Variants in CAGE1 observed in about 807,000 individuals in gnomAD.
The protein encoded by CAGE1 is cancer-associated gene 1 protein.
CAGE1 carries 66 observed loss-of-function variants against 94.9 expected under a neutral mutation model. The ratio of observed to expected loss-of-function variants is 0.70; its 90% CI spans 0.57 to 0.85. The LOEUF is 0.85. CAGE1 is among the 40% of genes least tolerant of loss of function. The pLI is 0.00. For missense variants in CAGE1, 865 were observed against 950.4 expected (o/e 0.91, Z 1.18); for synonymous variants, 319 against 321.0 (o/e 0.99, Z 0.07).
chr6:7,384,232 C>T (rs1024789275), intron 3 of CAGE1, among the ~76,000 whole-genome samples: 1 of 152,138 alleles, frequency 6.6e-6, no homozygotes, highest in Non-Finnish European at 1.5e-5. Context: ...CGCCCACCAT[C>T]ATGCCCGGCT....
intron 9 of CAGE1, among the ~76,000 whole-genome samples, chr6:7,361,178 A>G (rs1760153186): frequency 1.3e-5 from 2 of 152,176 alleles, no homozygotes; most frequent in Admixed American, 1.3e-4. Flanking sequence ...ACCTGCTTCT[A>G]AAAGAGGAAC....
intron 10 of CAGE1, 88 bp downstream of exon 10, chr6:7,355,937 G>A: frequency 1.4e-6 from 1 of 702,496 alleles, no homozygotes; most frequent in Non-Finnish European, 2.4e-6. Flanking sequence ...CCAGGGGATT[G>A]AGGCTGTAGT....
intron 12 of CAGE1, among the ~76,000 whole-genome samples, chr6:7,330,731 T>C (rs1317807253): frequency 6.6e-6 from 1 of 152,180 alleles, no homozygotes; most frequent in East Asian, 1.9e-4. Context: ...AAAGCTGATG[T>C]AGGTCTGGAG....
intron 11 of CAGE1, among the ~76,000 whole-genome samples, chr6:7,335,269 A>G (rs1456499080): frequency 6.6e-6 from 1 of 152,202 alleles, no homozygotes; most frequent in Non-Finnish European, 1.5e-5. Context: ...CTCTTTTGCT[A>G]TATAAGGTAA....
intron 5 of CAGE1, among the ~76,000 whole-genome samples, chr6:7,372,767 C>G (rs933417052): frequency 3.3e-5 from 5 of 152,104 alleles, no homozygotes; most frequent in African/African-American, 1.2e-4. Flanking sequence ...CTCCTGAGCT[C>G]AAGTAATTCC....
At chr6:7,369,660 G>T (rs1394082659) in intron 6 of CAGE1, among the ~76,000 whole-genome samples, 2 of 152,198 alleles carry the variant, frequency 1.3e-5, no homozygotes, top group African/African-American at 2.4e-5. Context: ...AACGTGGGAA[G>T]TACTTAATAA....
chr6:7,348,064 T>C (rs1354102748), intron 11 of CAGE1, among the ~76,000 whole-genome samples: 1 of 152,076 alleles, frequency 6.6e-6, no homozygotes, highest in East Asian at 1.9e-4. Context: ...TTTCTCTCCA[T>C]ACTACACAGC....
chr6:7,338,737 C>G, intron 11 of CAGE1: 1 of 680,684 alleles, frequency 1.5e-6, no homozygotes, highest in Admixed American at 2.3e-5. Context: ...CCCCAAAGTC[C>G]ACTGTATCAT....
In CAGE1 at chr6:7,342,298, A is replaced by T. The variant is rs547508695; in HGVS notation, c.2370-8208T>A. Among the ~76,000 whole-genome samples the T allele has an allele frequency of 3.9e-5, 6 of 152,350 alleles. No individual in the cohort carries two copies. The East Asian group carries it at 1.2e-3, about 29-fold the overall frequency. On this transcript the variant is annotated intron_variant, in intron 11 of 13. Coordinates refer to ENST00000502583, the MANE Select transcript of CAGE1 (RefSeq NM_001170692.2). ...GATCATCTGGCACATTAAGCGACCC[A>T]GAAGGGCTTCATGCTCACGGATGGC...
chr6:7,339,648 ATGAG>A lies in CAGE1; in HGVS notation c.2370-5562_2370-5559del. 3 of 621,062 alleles carry A rather than the reference ATGAG, an allele frequency of 4.8e-6. No homozygotes were observed. Among genetic ancestry groups the A allele is most frequent in the Non-Finnish European group, 8.7e-6 (3 of 344,732 alleles). 38.5% of individuals were successfully genotyped at this position (621,062 alleles called of 1,614,324 possible). ...TGTCCTCATAGCTTAGCTCCCACTTATGAGTGAGAACATATGATGTTTGGTTTTC... is the reference window on the plus strand; with the variant it reads ...TGTCCTCATAGCTTAGCTCCCACTTATGAGAACATATGATGTTTGGTTTTC... On this transcript the variant is annotated intron_variant, in intron 11 of 13. Transcript: ENST00000502583. The surrounding 1 kb of genome is among the most constrained non-coding windows in gnomAD (Gnocchi z 4.7).
In CAGE1 at chr6:7,326,793, T is replaced by C; in HGVS notation, c.*65A>G. The C allele has an allele frequency of 9.2e-7, 1 of 1,087,606 alleles. No individual in the cohort carries two copies. 67.4% of individuals were successfully genotyped at this position (1,087,606 alleles called of 1,614,324 possible). On this transcript the variant is annotated 3_prime_UTR_variant, in exon 14 of 14. Coordinates refer to ENST00000502583, the MANE Select transcript of CAGE1 (RefSeq NM_001170692.2). ...TCTGCATGGATTGATTTGGCTAGCA[T>C]ATGTAGTAATGACTCTTCCTGGAGT...
intron 11 of CAGE1, among the ~76,000 whole-genome samples, chr6:7,346,154 CTGA>C (rs1409228795): frequency 1.4e-4 from 22 of 152,094 alleles, no homozygotes; most frequent in African/African-American, 4.8e-4. Flanking sequence ...GCAAAACAGC[CTGA>C]TAATTTTTGA....
intron 9 of CAGE1, among the ~76,000 whole-genome samples, chr6:7,359,627 G>A (rs1315093954): frequency 2.6e-5 from 4 of 152,228 alleles, no homozygotes; most frequent in Non-Finnish European, 5.9e-5. Flanking sequence ...GTGGACTACA[G>A]CCAGTGAGAG....
At position 7,356,141 on chromosome 6, in the gene CAGE1, T is replaced by C; in HGVS notation, c.2194-12A>G. The C allele has an allele frequency of 6.9e-7, 1 of 1,439,494 alleles. No homozygotes were observed. Among genetic ancestry groups the C allele is most frequent in the Middle Eastern group, 1.8e-4 (1 of 5,700 alleles). The allele number at this position is 1,439,494 out of a possible 1,614,324, so 89.2% of individuals were successfully genotyped here. On this transcript the variant is annotated splice_polypyrimidine_tract_variant and intron_variant, in intron 9 of 13. Transcript: ENST00000502583. ...CCCAGTTTTGTGATCTATGGAGAAA[T>C]ATCAGTAAACATACTAATCTGGAAC... is the stretch of plus-strand genomic sequence containing the variant.
At chr6:7,382,220 T>A (rs1049170016) in intron 3 of CAGE1, among the ~76,000 whole-genome samples, 3 of 152,196 alleles carry the variant, frequency 2.0e-5, no homozygotes, top group Admixed American at 1.3e-4. Context: ...GCATGTATCT[T>A]CACTCCATGC....
At chr6:7,384,809 C>G (rs886989768) in intron 3 of CAGE1, among the ~76,000 whole-genome samples, 2 of 151,654 alleles carry the variant, frequency 1.3e-5, no homozygotes, top group Non-Finnish European at 2.9e-5. Context: ...CAGCCTCCCG[C>G]GCTCAGGTAA....
rs971322948 is a variant in CAGE1, at chr6:7,339,784, A to G, written c.2370-5694T>C. On this transcript the variant is annotated intron_variant, in intron 11 of 13. Transcript: ENST00000502583. This position sits in a 1 kb window ranked among gnomAD's most constrained non-coding sequence, Gnocchi z 4.7. Reference sequence around the variant, plus strand: ...ATGGCTGAATAGCATTCCGTGGTGTATATATATACCACAATTTCTTTATCC... The same window carrying G: ...ATGGCTGAATAGCATTCCGTGGTGTGTATATATACCACAATTTCTTTATCC... 2.6e-5 allele frequency among the ~76,000 whole-genome samples: 4 copies of G among 152,256 alleles called. No homozygotes were observed. The highest frequency in any genetic ancestry group is 9.6e-5 in the African/African-American group (4 of 41,560).
intron 5 of CAGE1, among the ~76,000 whole-genome samples, chr6:7,371,668 T>C (rs1351243305): frequency 6.6e-6 from 1 of 151,992 alleles, no homozygotes; most frequent in African/African-American, 2.4e-5. Flanking sequence ...GCCTATATAA[T>C]CCCAGCTACT....
At chr6:7,349,015 G>T (rs1759669837) in intron 11 of CAGE1, among the ~76,000 whole-genome samples, 2 of 152,178 alleles carry the variant, frequency 1.3e-5, no homozygotes, top group Admixed American at 6.5e-5. Context: ...AAACTTCCCT[G>T]GCCTTGCAAG....
Sources: allele counts gnomAD v4.1 joint callset (sites outside exome capture counted in the v4.1 genomes callset), GRCh38; gene constraint gnomAD v4.1.1; non-coding constraint Gnocchi (gnomAD v3.1); transcripts MANE v1.5; gene names NCBI Gene and HGNC (gene_info 2026-07-23, HGNC 2026-07-21).